Variants in IPPK observed in about 807,000 individuals in gnomAD.
IPPK encodes the protein IPK1 homolog.
A neutral mutation model predicts 64.6 loss-of-function variants in IPPK; 22 were observed. The ratio of observed to expected loss-of-function variants is 0.34; its 90% CI spans 0.24 to 0.49. The LOEUF (loss-of-function observed/expected upper bound fraction) is 0.49. IPPK is among the 20% of genes least tolerant of loss of function. The pLI, the probability that IPPK is intolerant of heterozygous loss-of-function variation, is 0.99. For missense variants in IPPK, 532 were observed against 630.7 expected (o/e 0.84, Z 1.68); for synonymous variants, 262 against 247.2 (o/e 1.06, Z -0.56).
At chr9:92,651,864 C>T (rs1318857985) in intron 4 of IPPK, among the ~76,000 whole-genome samples, 4 of 151,942 alleles carry the variant, frequency 2.6e-5, no homozygotes, top group African/African-American at 7.3e-5. Context: ...TACAGGTGCC[C>T]GCCACTACGC....
At chr9:92,654,158 G>A (rs182969755) in intron 3 of IPPK, among the ~76,000 whole-genome samples, 2 of 152,322 alleles carry the variant, frequency 1.3e-5, no homozygotes, top group East Asian at 1.9e-4. Context: ...AGCAGACCTC[G>A]GTGGTTTATT....
chr9:92,625,999 A>G (rs1314186801), intron 11 of IPPK, among the ~76,000 whole-genome samples: 1 of 152,236 alleles, frequency 6.6e-6, no homozygotes, highest in African/African-American at 2.4e-5. Flanking sequence ...GCTTAAAGAA[A>G]TAAAAGACAG....
At chr9:92,669,261 C>A (rs1331691221) in intron 1 of IPPK, among the ~76,000 whole-genome samples, 2 of 152,194 alleles carry the variant, frequency 1.3e-5, no homozygotes, top group Non-Finnish European at 2.9e-5. Flanking sequence ...CAGAAACCCA[C>A]ACGCTTCACT....
chr9:92,642,815 G>A lies in IPPK; in HGVS notation c.505-5C>T, dbSNP rs1852078504. The A allele has an allele frequency of 1.2e-6, 2 of 1,613,430 alleles. No individual in the cohort carries two copies. The highest frequency in any genetic ancestry group is 1.7e-6 in the Non-Finnish European group (2 of 1,179,306). Reference sequence around the variant, plus strand: ...CTTCCACTTCCCAGTTGCTACCTGTGAAAACACCAACAGGAGGGCATGAGG... The same window carrying A: ...CTTCCACTTCCCAGTTGCTACCTGTAAAAACACCAACAGGAGGGCATGAGG... On this transcript the variant is annotated splice_region_variant and splice_polypyrimidine_tract_variant and intron_variant, in intron 6 of 12. Transcript: ENST00000287996.
chr9:92,641,779 C>CAA (rs1326282121), intron 7 of IPPK, among the ~76,000 whole-genome samples: 3 of 152,134 alleles, frequency 2.0e-5, no homozygotes, highest in Non-Finnish European at 4.4e-5. Context: ...TGAGCACTGA[C>CAA]AAAGGCAGGG....
chr9:92,642,693 C>CG, intron 7 of IPPK, 59 bp downstream of exon 7: 1 of 1,492,428 alleles, frequency 6.7e-7, no homozygotes, highest in East Asian at 2.3e-5. Flanking sequence ...CACTGGCCCC[C>CG]GCCCTACCCA....
At chr9:92,648,211 C>T in intron 5 of IPPK, 63 bp from the exon 6 acceptor site, 2 of 1,180,156 alleles carry the variant, frequency 1.7e-6, no homozygotes, top group Non-Finnish European at 2.5e-6. Context: ...TCTAAATAGA[C>T]ATATCACTGA....
At chr9:92,618,256 AG>A (rs1339384813) in intron 12 of IPPK, 3 of 456,498 alleles carry the variant, frequency 6.6e-6, no homozygotes, top group Non-Finnish European at 1.3e-5. Context: ...CCTACACCCT[AG>A]GTCTGAGAAG....
rs774317839 is a variant in IPPK, at chr9:92,656,519, G to T, written c.162C>A (p.Asn54Lys). ...TGACATTTTTCCCAAAGTCCACTAT[G>T]TTCTGCAGGTGTTGAAATATCTCTT... is the stretch of plus-strand genomic sequence containing the variant. The part of the protein sequence containing the change: ...TSEEIFQHLQ[N>K]IVDFGKNVMK... The change falls in exon 3 of 13, where the codon AAC becomes AAA. Residue 54 changes from asparagine to lysine, a missense_variant. Physicochemically the swap from Asn to Lys is moderately conservative, Grantham distance 94 (BLOSUM62 0). Transcript: ENST00000287996. 3 of 1,613,338 alleles carry T rather than the reference G, an allele frequency of 1.9e-6. No individual in the cohort carries two copies. Among genetic ancestry groups the T allele is most frequent in the African/African-American group, 2.7e-5 (2 of 74,912 alleles).
chr9:92,619,812 G>T (rs1851569361), intron 11 of IPPK: 1 of 537,598 alleles, frequency 1.9e-6, no homozygotes, highest in Non-Finnish European at 3.4e-6. Flanking sequence ...ACGGCAAGCA[G>T]TGTGGGACCC....
intron 1 of IPPK, among the ~76,000 whole-genome samples, chr9:92,660,747 G>A (rs756187367): frequency 6.6e-6 from 1 of 152,166 alleles, no homozygotes; most frequent in Non-Finnish European, 1.5e-5. Context: ...CTGCCCCTCT[G>A]TTGCCAGGAA....
intron 3 of IPPK, among the ~76,000 whole-genome samples, chr9:92,656,091 A>G (rs535688963): frequency 2.0e-5 from 3 of 152,268 alleles, no homozygotes; most frequent in Admixed American, 2.0e-4. Flanking sequence ...CAGCCCCAGC[A>G]GGTGCCACCA....
intron 2 of IPPK, 137 bp from the exon 3 acceptor site, chr9:92,656,688 C>G: frequency 1.6e-6 from 1 of 629,206 alleles, no homozygotes; most frequent in Admixed American, 2.5e-5. Flanking sequence ...ACCCGGGTGA[C>G]AGCCCTCAGA....
rs1852080595 is a variant in IPPK, at chr9:92,642,913, G to A, written c.505-103C>T. Reference sequence around the variant, plus strand: ...CATCAGTGATGAAGACAATGAAGACGAGCTGCAGCCTTGCCCCGGAAAAGG... The same window carrying A: ...CATCAGTGATGAAGACAATGAAGACAAGCTGCAGCCTTGCCCCGGAAAAGG... On this transcript the variant is annotated intron_variant, in intron 6 of 12. Transcript: ENST00000287996. 14 of 954,904 alleles carry A rather than the reference G, an allele frequency of 1.5e-5. 1 individual carries two copies. Among genetic ancestry groups the A allele is most frequent in the South Asian group, 1.3e-4 (10 of 75,954 alleles). 59.2% of individuals were successfully genotyped at this position (954,904 alleles called of 1,614,324 possible).
chr9:92,663,903 C>G (rs1194099972), intron 1 of IPPK, among the ~76,000 whole-genome samples: 3 of 152,236 alleles, frequency 2.0e-5, no homozygotes, highest in Non-Finnish European at 4.4e-5. Flanking sequence ...CAGAAAAAGA[C>G]AACAGCAGCA....
chr9:92,654,387 C>G (rs537308623), intron 3 of IPPK, among the ~76,000 whole-genome samples: 1 of 151,996 alleles, frequency 6.6e-6, no homozygotes, highest in Non-Finnish European at 1.5e-5. Context: ...TGCGGTGGTG[C>G]GCACCAGTAG....
At chr9:92,634,568 C>A in intron 10 of IPPK, 80 bp from the exon 11 acceptor site, 2 of 921,830 alleles carry the variant, frequency 2.2e-6, no homozygotes, top group Non-Finnish European at 1.8e-6. Context: ...GTCTACAAAG[C>A]CCAGCACCAC....
At chr9:92,639,343 C>G (rs1171078993) in intron 8 of IPPK, among the ~76,000 whole-genome samples, 1 of 152,216 alleles carries the variant, frequency 6.6e-6, no homozygotes, top group African/African-American at 2.4e-5. Context: ...GCCACTGCAC[C>G]TGGCCCACAC....
At chr9:92,661,234 T>A (rs1852476851) in intron 1 of IPPK, among the ~76,000 whole-genome samples, 2 of 152,182 alleles carry the variant, frequency 1.3e-5, no homozygotes, top group African/African-American at 4.8e-5. Flanking sequence ...AGGTCCAGCC[T>A]CGCCTGCTGG....
Sources: allele counts gnomAD v4.1 joint callset (sites outside exome capture counted in the v4.1 genomes callset), GRCh38; gene constraint gnomAD v4.1.1; transcripts MANE v1.5; gene names NCBI Gene and HGNC (gene_info 2026-07-23, HGNC 2026-07-21).